TSGA10: variants seen among roughly 807,000 people sequenced by gnomAD.
TSGA10 encodes testis specific 10, also known as testis-specific gene 10 protein.
Under a neutral mutation model 96.6 loss-of-function variants are expected in TSGA10, and 43 were observed. The observed-to-expected ratio is 0.44, with a 90% CI of 0.35 to 0.57. The LOEUF is 0.57. TSGA10 is among the 20% of genes least tolerant of loss of function. The probability of loss-of-function intolerance (pLI) is 0.01; values close to 1 mark genes in which losing one functional copy is unlikely to be tolerated. For synonymous variants in TSGA10, 229 were observed against 269.9 expected (o/e 0.85, Z 1.48); for missense variants, 703 against 834.4 (o/e 0.84, Z 1.94).
At chr2:99,009,239 C>T (rs988144364) in intron 20 of TSGA10, among the ~76,000 whole-genome samples, 144 of 152,150 alleles carry the variant, frequency 9.5e-4, no homozygotes, top group African/African-American at 3.3e-3. Context: ...AAAAATTAAT[C>T]CAAATAAGTT....
Position 99,098,655 on chromosome 2 carries a change from C to T in TSGA10, c.611+5312G>A, listed in dbSNP as rs986671860. 2.0e-5 allele frequency among the ~76,000 whole-genome samples: 3 copies of T among 151,612 alleles called. No homozygotes were observed. The South Asian group carries it at 6.2e-4, about 32-fold the overall frequency. ...GCAAAATGTTGGTCTTTGGAAAAAA[C>T]TAATAATAACCACCAACTGCAGAAT... is the stretch of plus-strand genomic sequence containing the variant. On this transcript the variant is annotated intron_variant, in intron 10 of 20. Coordinates refer to ENST00000393483, the MANE Select transcript of TSGA10 (RefSeq NM_025244.4).
rs184527995 is a variant in TSGA10 at position 99,076,411 on chromosome 2, T to C, written c.882+2248A>G. 2.6e-5 allele frequency among the ~76,000 whole-genome samples: 4 copies of C among 152,272 alleles called. No individual in the cohort carries two copies. In the East Asian group the frequency reaches 7.7e-4, roughly 29 times the overall value. On this transcript the variant is annotated intron_variant, in intron 12 of 20. Transcript: ENST00000393483. ...TATTTGTTATAAAATAAAGACCTAA[T>C]TGTAACATTTCATTATCATTATTTC...
chr2:99,138,053 CCA>C (rs1309173980), intron 1 of TSGA10, among the ~76,000 whole-genome samples: 1 of 152,098 alleles, frequency 6.6e-6, no homozygotes, highest in African/African-American at 2.4e-5. Flanking sequence ...CTTAGAATTC[CCA>C]GTCTCCAGAA....
intron 1 of TSGA10, chr2:99,147,161 GTTT>G: frequency 3.3e-6 from 1 of 300,418 alleles, no homozygotes; most frequent in Non-Finnish European, 6.0e-6. Context: ...ATATCTTTTT[GTTT>G]TTTTTAATTT....
rs2079331568 is a variant in TSGA10 at position 99,014,668 on chromosome 2, C to G, written c.2072+3532G>C. ...AGAGCAGAATTAAATGAAAATGAGACAAAAAAATTACAAAAGATAAATCAA... is the reference window on the plus strand; with the variant it reads ...AGAGCAGAATTAAATGAAAATGAGAGAAAAAAATTACAAAAGATAAATCAA... On this transcript the variant is annotated intron_variant, in intron 20 of 20. Coordinates refer to ENST00000393483, the MANE Select transcript of TSGA10 (RefSeq NM_025244.4). Among the ~76,000 whole-genome samples, 2 of 151,570 alleles carry G rather than the reference C, an allele frequency of 1.3e-5. 1 individual carries two copies. The highest frequency in any genetic ancestry group is 4.1e-4 in the South Asian group (2 of 4,828).
At chr2:98,998,261 C>G in intron 20 of TSGA10, 40 bp from the exon 21 acceptor site, 1 of 1,521,100 alleles carries the variant, frequency 6.6e-7, no homozygotes, top group Non-Finnish European at 9.0e-7. Flanking sequence ...ATTTTTAATT[C>G]AACTTTTTCA....
intron 1 of TSGA10, among the ~76,000 whole-genome samples, chr2:99,151,811 GA>G (rs34715372): frequency 0.59 from 89,928 of 151,966 alleles, 27,556 homozygotes; most frequent in East Asian, 0.88. Flanking sequence ...TTTAATATGA[GA>G]AAAAACAACC....
chr2:98,998,236 A>G lies in TSGA10; in HGVS notation c.2073-15T>C. 6.3e-7 allele frequency: 1 copy of G among 1,589,016 alleles called. No homozygotes were observed. Among genetic ancestry groups the G allele is most frequent in the South Asian group, 1.2e-5 (1 of 85,050 alleles). ...AGCAAAGATTCCTATAAGAGAAAAAATCATGCTGATTAATATTTTTAATTC... is the reference window on the plus strand; with the variant it reads ...AGCAAAGATTCCTATAAGAGAAAAAGTCATGCTGATTAATATTTTTAATTC... On this transcript the variant is annotated splice_polypyrimidine_tract_variant and intron_variant, in intron 20 of 20. Transcript: ENST00000393483.
chr2:99,002,851 G>C (rs993655628), intron 20 of TSGA10, among the ~76,000 whole-genome samples: 2 of 151,442 alleles, frequency 1.3e-5, no homozygotes, highest in African/African-American at 4.9e-5. Flanking sequence ...CCTAGTCTCT[G>C]ATAAAACAAA....
chr2:99,062,597 G>A (rs185866908), intron 16 of TSGA10, among the ~76,000 whole-genome samples: 8 of 152,236 alleles, frequency 5.3e-5, no homozygotes, highest in African/African-American at 1.7e-4. Flanking sequence ...TTAGCTGGGT[G>A]TGGTGACTCA....
chr2:99,108,136 A>G (rs559843110), intron 7 of TSGA10, among the ~76,000 whole-genome samples: 2 of 152,238 alleles, frequency 1.3e-5, no homozygotes, highest in East Asian at 3.9e-4. Flanking sequence ...TTTGTTTCTT[A>G]TAATATCTTC....
chr2:99,127,099 T>C lies in TSGA10; in HGVS notation c.-543A>G. ...TATCTTGGTTTCTCACTTCTTGTTC[T>C]AGCTGGAGAGTATTCTGGTAGTTTT... On this transcript the variant is annotated 5_prime_UTR_variant, in exon 2 of 21. Transcript: ENST00000393483. 7.8e-7 allele frequency: 1 copy of C among 1,289,744 alleles called. No individual in the cohort carries two copies. The highest frequency in any genetic ancestry group is 2.1e-4 in the Middle Eastern group (1 of 4,694). 79.9% of individuals were successfully genotyped at this position (1,289,744 alleles called of 1,614,324 possible).
intron 16 of TSGA10, among the ~76,000 whole-genome samples, chr2:99,052,491 A>C (rs7591992): frequency 0.43 from 65,915 of 151,834 alleles, 16,968 homozygotes; most frequent in African/African-American, 0.72. Flanking sequence ...TCTGTCCCAG[A>C]ACTTTGGGAG....
chr2:99,147,491 A>C, intron 1 of TSGA10: 1 of 1,613,924 alleles, frequency 6.2e-7, no homozygotes, highest in East Asian at 2.2e-5. Context: ...TGGGGAAGTT[A>C]AGGTAAGACT....
chr2:99,039,931 T>G (rs897647247), intron 16 of TSGA10, among the ~76,000 whole-genome samples: 1 of 152,154 alleles, frequency 6.6e-6, no homozygotes, highest in Non-Finnish European at 1.5e-5. Flanking sequence ...CATGATCAAA[T>G]GGGTTTCATA....
Position 99,127,042 on chromosome 2 carries a change from C to A in TSGA10, c.-492+6G>T. 2.3e-6 allele frequency: 3 copies of A among 1,287,704 alleles called. No homozygotes were observed. Among genetic ancestry groups the A allele is most frequent in the Middle Eastern group, 2.1e-4 (1 of 4,688 alleles). 79.8% of individuals were successfully genotyped at this position (1,287,704 alleles called of 1,614,324 possible). A position where few individuals can be genotyped will look rare whatever the true frequency, so the allele number is the denominator to read the frequency against. The stretch of plus-strand genomic sequence containing the variant: ...GTCAGGAAAATATGTTGTAACTAAA[C>A]GCAACCTGTAATTTCAGTGTCGAGA... On this transcript the variant is annotated splice_donor_region_variant and intron_variant, in intron 2 of 20. Coordinates refer to ENST00000393483, the MANE Select transcript of TSGA10 (RefSeq NM_025244.4).
At chr2:99,092,733 A>G (rs2089500475) in intron 10 of TSGA10, among the ~76,000 whole-genome samples, 1 of 152,178 alleles carries the variant, frequency 6.6e-6, no homozygotes. Flanking sequence ...GAAGAATTAG[A>G]AACCCTGAAC....
chr2:99,079,432 T>A (rs971988173), intron 11 of TSGA10, among the ~76,000 whole-genome samples: 1 of 152,172 alleles, frequency 6.6e-6, no homozygotes, highest in Non-Finnish European at 1.5e-5. Flanking sequence ...CAAATTGTGG[T>A]TTCTCAACCA....
At chr2:99,029,619 A>C (rs2080957394) in intron 17 of TSGA10, among the ~76,000 whole-genome samples, 1 of 152,216 alleles carries the variant, frequency 6.6e-6, no homozygotes, top group Non-Finnish European at 1.5e-5. Flanking sequence ...GTGATCTATC[A>C]TATTAATAGG....
Sources: gnomAD v4.1 joint callset for allele counts (sites outside exome capture counted in the v4.1 genomes callset) on GRCh38, gnomAD v4.1.1 for gene constraint, MANE v1.5 for transcripts, NCBI Gene and HGNC (gene_info 2026-07-23, HGNC 2026-07-21) for gene names.